Variants in BMPER observed in about 807,000 individuals in gnomAD.
The protein encoded by BMPER is BMP binding endothelial regulator.
A neutral mutation model predicts 87.3 loss-of-function variants in BMPER; 45 were observed. The ratio of observed to expected loss-of-function variants is 0.52; its 90% confidence interval spans 0.41 to 0.66. The LOEUF is 0.66. Among genes scored for constraint, BMPER ranks in the 30% least tolerant of loss-of-function variants. The pLI is 0.00. For synonymous variants in BMPER, 326 were observed against 316.2 expected (o/e 1.03, Z -0.33); for missense variants, 784 against 867.5 (o/e 0.90, Z 1.21).
chr7:34,002,959 C>G (rs1786624235), intron 6 of BMPER, among the ~76,000 whole-genome samples: 1 of 151,530 alleles, frequency 6.6e-6, no homozygotes, highest in South Asian at 2.1e-4. Context: ...AAAAAAAAAT[C>G]AATTCTGCCA....
chr7:34,037,816 C>T (rs879703579), intron 6 of BMPER, among the ~76,000 whole-genome samples: 1 of 152,272 alleles, frequency 6.6e-6, no homozygotes, highest in Non-Finnish European at 1.5e-5. Context: ...TGAATTTCAC[C>T]TTCTAACTAG....
At chr7:34,052,818 A>T (rs1026048625) in intron 8 of BMPER, among the ~76,000 whole-genome samples, 16 of 152,214 alleles carry the variant, frequency 1.1e-4, no homozygotes, top group African/African-American at 2.4e-4. Context: ...GCACCACTTC[A>T]GCGGGTGGTT....
intron 13 of BMPER, among the ~76,000 whole-genome samples, chr7:34,094,720 G>A (rs977421018): frequency 6.6e-6 from 1 of 152,230 alleles, no homozygotes; most frequent in Non-Finnish European, 1.5e-5. Flanking sequence ...TGTAAAAGGG[G>A]ATGCGGAGAG....
chr7:34,088,545 G>T (rs540644181), intron 13 of BMPER, among the ~76,000 whole-genome samples: 18 of 152,306 alleles, frequency 1.2e-4, no homozygotes, highest in Non-Finnish European at 2.5e-4. Flanking sequence ...AGAATGAGCC[G>T]TGGGGAAGGG....
chr7:34,042,372 A>C (rs1167913419), intron 6 of BMPER, among the ~76,000 whole-genome samples: 1 of 152,214 alleles, frequency 6.6e-6, no homozygotes, highest in Non-Finnish European at 1.5e-5. Flanking sequence ...CTTGCTGACC[A>C]GATAAGAATA....
intron 6 of BMPER, among the ~76,000 whole-genome samples, chr7:33,980,097 C>T (rs1412352646): frequency 1.3e-5 from 2 of 152,170 alleles, no homozygotes; most frequent in Non-Finnish European, 2.9e-5. Flanking sequence ...GCAGACCTAA[C>T]GTTTTTAGGT....
At chr7:33,909,450 CA>C (rs1282674428) in intron 2 of BMPER, among the ~76,000 whole-genome samples, 1 of 152,106 alleles carries the variant, frequency 6.6e-6, no homozygotes, top group Non-Finnish European at 1.5e-5. Flanking sequence ...AGTTAGTTGA[CA>C]TTTGTTAATC....
At chr7:34,013,426 C>G (rs145215578) in intron 6 of BMPER, among the ~76,000 whole-genome samples, 14 of 151,760 alleles carry the variant, frequency 9.2e-5, no homozygotes, top group African/African-American at 3.4e-4. Flanking sequence ...GGCGTCCTAA[C>G]CAGTCTCCTT....
At chr7:34,019,784 C>A (rs1397171018) in intron 6 of BMPER, among the ~76,000 whole-genome samples, 1 of 151,884 alleles carries the variant, frequency 6.6e-6, no homozygotes, top group Admixed American at 6.6e-5. Context: ...CTAGCAATTA[C>A]AGAGTAGCAT....
intron 11 of BMPER, among the ~76,000 whole-genome samples, chr7:34,074,521 G>T (rs370503218): frequency 2.0e-5 from 3 of 152,188 alleles, no homozygotes; most frequent in Non-Finnish European, 4.4e-5. Flanking sequence ...TCATCACGAC[G>T]CTTACCTTTC....
intron 7 of BMPER, among the ~76,000 whole-genome samples, chr7:34,048,012 G>A (rs1234604494): frequency 6.6e-6 from 1 of 151,650 alleles, no homozygotes; most frequent in African/African-American, 2.4e-5. Context: ...TTCTTAAAAG[G>A]TCTTAGTTGT....
intron 13 of BMPER, among the ~76,000 whole-genome samples, chr7:34,124,480 A>G (rs1272028905): frequency 6.7e-6 from 1 of 149,402 alleles, no homozygotes; most frequent in Non-Finnish European, 1.5e-5. Context: ...GTAATGGATT[A>G]GCATTGTGAA....
At chr7:34,066,032 T>C (rs1788579615) in intron 11 of BMPER, among the ~76,000 whole-genome samples, 1 of 152,226 alleles carries the variant, frequency 6.6e-6, no homozygotes, top group Non-Finnish European at 1.5e-5. Flanking sequence ...TGGCATTACA[T>C]TGTCTGTTTC....
chr7:34,059,407 G>A (rs1196493426), intron 10 of BMPER, among the ~76,000 whole-genome samples: 3 of 151,908 alleles, frequency 2.0e-5, no homozygotes, highest in Non-Finnish European at 4.4e-5. Context: ...GGATGGTGGG[G>A]GGAGGTCAAC....
intron 12 of BMPER, 131 bp downstream of exon 12, chr7:34,079,317 C>A: frequency 1.7e-6 from 2 of 1,183,972 alleles, no homozygotes; most frequent in Non-Finnish European, 2.4e-6. Context: ...AGCCAGGTTC[C>A]AACTGCGGGA....
intron 3 of BMPER, among the ~76,000 whole-genome samples, chr7:33,957,789 A>G (rs1462274420): frequency 6.6e-6 from 1 of 152,198 alleles, no homozygotes; most frequent in Non-Finnish European, 1.5e-5. Context: ...AAAATAAAAG[A>G]TAAAGAGTGA....
chr7:34,002,112 T>C (rs1201120320), intron 6 of BMPER, among the ~76,000 whole-genome samples: 2 of 151,786 alleles, frequency 1.3e-5, no homozygotes, highest in East Asian at 3.9e-4. Context: ...GTTGTATGTG[T>C]ATTTGAGAAG....
At chr7:34,008,939 A>G (rs1048067589) in intron 6 of BMPER, among the ~76,000 whole-genome samples, 10 of 151,890 alleles carry the variant, frequency 6.6e-5, no homozygotes, top group Admixed American at 2.0e-4. Context: ...ACTCCTGGGC[A>G]CAGGAGATCC....
At chr7:34,039,059 C>T (rs994589513) in intron 6 of BMPER, among the ~76,000 whole-genome samples, 1 of 152,218 alleles carries the variant, frequency 6.6e-6, no homozygotes, top group Admixed American at 6.5e-5. Context: ...AGAAAAGTGG[C>T]TTCCAGCCAC....
Sources: gnomAD v4.1 joint callset for allele counts (sites outside exome capture counted in the v4.1 genomes callset) on GRCh38, gnomAD v4.1.1 for gene constraint, MANE v1.5 for transcripts, NCBI Gene and HGNC (gene_info 2026-07-23, HGNC 2026-07-21) for gene names.